The following LRRIQ4 variants were observed in gnomAD, a reference collection of about 807,000 sequenced individuals.
LRRIQ4 encodes leucine rich repeats and IQ motif containing 4, also known as leucine-rich repeat and IQ domain-containing protein 4.
Under a neutral mutation model 40.1 loss-of-function variants are expected in LRRIQ4, and 21 were observed. That is an observed-to-expected ratio of 0.52 (90% CI 0.37 to 0.75). The LOEUF is 0.75. LRRIQ4 is among the 30% of genes least tolerant of loss of function. The pLI, the probability that LRRIQ4 is intolerant of heterozygous loss-of-function variation, is 0.00. For missense variants in LRRIQ4, 655 were observed against 660.0 expected (o/e 0.99, Z 0.08); for synonymous variants, 277 against 277.1 (o/e 1.00, Z 0.00).
intron 5 of LRRIQ4, among the ~76,000 whole-genome samples, chr3:169,835,419 G>A (rs1214107792): frequency 6.8e-6 from 1 of 146,212 alleles, no homozygotes; most frequent in Non-Finnish European, 1.5e-5. Context: ...GGAGTCCAGG[G>A]CAATGCACCA....
chr3:169,827,361 A>G lies in LRRIQ4; in HGVS notation c.1021-1398A>G, dbSNP rs145290763. 9.8e-3 allele frequency among the ~76,000 whole-genome samples: 1,491 copies of G among 152,220 alleles called. 25 individuals carry two copies. Among genetic ancestry groups the G allele is most frequent in the African/African-American group, 0.034 (1,425 of 41,552 alleles). On this transcript the variant is annotated intron_variant, in intron 2 of 5. Coordinates refer to ENST00000340806, the MANE Select transcript of LRRIQ4 (RefSeq NM_001080460.3). ...GGTGGCTCATGCCTGTAATCTCAGC[A>G]CTTTGGGAGGCCTAGGCGGGCGGAC...
intron 2 of LRRIQ4, among the ~76,000 whole-genome samples, chr3:169,824,685 G>A (rs1780001569): frequency 6.6e-6 from 1 of 151,912 alleles, no homozygotes; most frequent in African/African-American, 2.4e-5. Context: ...GCTAATTTTT[G>A]TATTTTTAAT....
chr3:169,832,870 CT>C (rs1339735690), intron 4 of LRRIQ4, 116 bp from the exon 5 acceptor site: 1 of 847,140 alleles, frequency 1.2e-6, no homozygotes, highest in Non-Finnish European at 1.8e-6. Context: ...TGCATCCTTC[CT>C]CTCATTCCCT....
chr3:169,820,535 CTTTTTT>C lies in LRRIQ4; in HGVS notation c.-31-1342_-31-1337del, dbSNP rs34109206. Among the ~76,000 whole-genome samples the C allele has an allele frequency of 4.0e-5, 5 of 123,592 alleles. No individual in the cohort carries two copies. In the East Asian group the frequency reaches 7.8e-4, roughly 19 times the overall value. 81.1% of individuals were successfully genotyped at this position (123,592 alleles called of 152,430 possible). A position where few individuals can be genotyped will look rare whatever the true frequency, so the allele number is the denominator to read the frequency against. On this transcript the variant is annotated intron_variant, in intron 1 of 5. Coordinates refer to ENST00000340806, the MANE Select transcript of LRRIQ4 (RefSeq NM_001080460.3). ...GATCCAATTAGGGGAATATTGACAT[CTTTTTT>C]TTTTTTTTTTTTTGAGACGGAGTCT...
chr3:169,817,571 T>C (rs1779793261), intron 1 of LRRIQ4, among the ~76,000 whole-genome samples: 1 of 152,252 alleles, frequency 6.6e-6, no homozygotes, highest in African/African-American at 2.4e-5. Context: ...ATTTCTTTCT[T>C]TATCTCTAGT....
At chr3:169,817,869 C>A (rs895729919) in intron 1 of LRRIQ4, among the ~76,000 whole-genome samples, 1 of 152,034 alleles carries the variant, frequency 6.6e-6, no homozygotes, top group African/African-American at 2.4e-5. Context: ...ATCATTGGGT[C>A]TTGTTTTTTA....
chr3:169,824,963 A>G (rs578258307), intron 2 of LRRIQ4, among the ~76,000 whole-genome samples: 1 of 152,128 alleles, frequency 6.6e-6, no homozygotes, highest in African/African-American at 2.4e-5. Flanking sequence ...TGTGTTCCCT[A>G]TAAATTATAA....
chr3:169,823,735 A>C (rs1263648299), intron 2 of LRRIQ4, among the ~76,000 whole-genome samples: 1 of 152,166 alleles, frequency 6.6e-6, no homozygotes, highest in African/African-American at 2.4e-5. Context: ...TAGAAGCCTA[A>C]AGTTCCATCC....
chr3:169,837,137 A>G (rs1048953225), intron 5 of LRRIQ4, among the ~76,000 whole-genome samples: 1 of 152,206 alleles, frequency 6.6e-6, no homozygotes, highest in African/African-American at 2.4e-5. Context: ...GTCACTCTCC[A>G]TAGCACTCAT....
chr3:169,829,858 CA>C (rs1411048737), intron 3 of LRRIQ4, among the ~76,000 whole-genome samples: 1 of 152,204 alleles, frequency 6.6e-6, no homozygotes, highest in East Asian at 1.9e-4. Flanking sequence ...CCCAGTCATG[CA>C]ATGCCATGCA....
At chr3:169,817,639 G>A (rs192179260) in intron 1 of LRRIQ4, among the ~76,000 whole-genome samples, 31 of 152,086 alleles carry the variant, frequency 2.0e-4, no homozygotes, top group Admixed American at 6.5e-4. Flanking sequence ...ATTTATGATC[G>A]TTATATCCTC....
At chr3:169,818,408 G>A (rs575891208) in intron 1 of LRRIQ4, among the ~76,000 whole-genome samples, 1 of 152,292 alleles carries the variant, frequency 6.6e-6, no homozygotes, top group East Asian at 1.9e-4. Context: ...TGTTCCTGTT[G>A]GAGGGGATGA....
chr3:169,828,492 C>T (rs908301131), intron 2 of LRRIQ4, among the ~76,000 whole-genome samples: 15 of 152,200 alleles, frequency 9.9e-5, no homozygotes, highest in Admixed American at 9.8e-4. Context: ...CCTTGGCCTC[C>T]CAAAGTGCTG....
Position 169,822,006 on chromosome 3 carries a change from T to C in LRRIQ4, c.85T>C (p.Phe29Leu). ...DPQHVNDRTF[F>L]IDASNQSLTA... ...ACAGCACGTCAATGATAGAACATTT[T>C]TCATTGATGCCTCTAATCAGAGCTT... The change falls in exon 2 of 6, where the codon TTC (phenylalanine) becomes CTC (leucine). Residue 29 changes from phenylalanine (F) to leucine (L), a missense_variant. Physicochemically the swap from Phe to Leu is conservative, Grantham distance 22. Coordinates refer to ENST00000340806, the MANE Select transcript of LRRIQ4 (RefSeq NM_001080460.3). 6.3e-7 allele frequency: 1 copy of C among 1,574,930 alleles called. No individual in the cohort carries two copies. The highest frequency in any genetic ancestry group is 1.2e-5 in the South Asian group (1 of 84,028).
intron 2 of LRRIQ4, among the ~76,000 whole-genome samples, chr3:169,823,258 C>T (rs1281532287): frequency 4.6e-5 from 7 of 151,992 alleles, no homozygotes; most frequent in African/African-American, 1.7e-4. Context: ...GGGAGCTTAA[C>T]TAACATATCC....
intron 4 of LRRIQ4, 23 bp from the exon 5 acceptor site, chr3:169,832,964 C>T: frequency 6.3e-7 from 1 of 1,598,420 alleles, no homozygotes. Flanking sequence ...GATTGAACCA[C>T]CATTACGAAA....
chr3:169,833,770 G>A (rs75121298), intron 5 of LRRIQ4, among the ~76,000 whole-genome samples: 2 of 152,090 alleles, frequency 1.3e-5, no homozygotes. Flanking sequence ...CTGCTTGCAT[G>A]CCAGCCCCCC....
intron 2 of LRRIQ4, among the ~76,000 whole-genome samples, chr3:169,826,916 A>G (rs1780052081): frequency 6.6e-6 from 1 of 152,234 alleles, no homozygotes; most frequent in African/African-American, 2.4e-5. Flanking sequence ...TCCTTACTCT[A>G]CACAAAAAAG....
chr3:169,836,010 A>G (rs909518275), intron 5 of LRRIQ4, among the ~76,000 whole-genome samples: 5 of 151,108 alleles, frequency 3.3e-5, no homozygotes, highest in African/African-American at 1.2e-4. Context: ...CATTCATTCA[A>G]CAAACATTTA....
Sources: allele counts gnomAD v4.1 joint callset (sites outside exome capture counted in the v4.1 genomes callset), GRCh38; gene constraint gnomAD v4.1.1; transcripts MANE v1.5; gene names NCBI Gene and HGNC (gene_info 2026-07-23, HGNC 2026-07-21).